The following OGDH variants were observed in gnomAD, a reference collection of about 807,000 sequenced individuals.
OGDH encodes the protein oxoglutarate dehydrogenase.
A neutral mutation model predicts 116.6 loss-of-function variants in OGDH; 38 were observed. The observed-to-expected ratio is 0.33, with a 90% CI of 0.25 to 0.43. The LOEUF is 0.43. Among genes scored for constraint, OGDH ranks in the 20% least tolerant of loss-of-function variants. The pLI is 1.00. For synonymous variants in OGDH, 488 were observed against 533.3 expected, an observed-to-expected ratio of 0.92 and a Z score of 1.17; for missense variants, 825 against 1,357.2, an observed-to-expected ratio of 0.61 and a Z score of 6.16.
At chr7:44,651,788 T>A (rs1786458443) in intron 4 of OGDH, among the ~76,000 whole-genome samples, 3 of 152,040 alleles carry the variant, frequency 2.0e-5, no homozygotes, top group Admixed American at 2.0e-4. Context: ...CTCGTACGCC[T>A]GACCTCAGGT....
At chr7:44,659,221 A>G (rs553075053) in intron 4 of OGDH, among the ~76,000 whole-genome samples, 4 of 151,958 alleles carry the variant, frequency 2.6e-5, no homozygotes, top group African/African-American at 9.6e-5. Context: ...GTATTGATTG[A>G]GTTTTGATTA....
chr7:44,699,425 CA>C (rs59695480), intron 18 of OGDH, among the ~76,000 whole-genome samples: 1,966 of 67,756 alleles, frequency 0.029, 17 homozygotes, highest in African/African-American at 0.071. Context: ...ACTCCTGTCT[CA>C]AAAAAAAAAA....
Position 44,708,078 on chromosome 7 carries a change from C to G in OGDH, c.*79C>G, listed in dbSNP as rs1164160178. 5.2e-6 allele frequency: 8 copies of G among 1,542,640 alleles called. No homozygotes were observed. Among genetic ancestry groups the G allele is most frequent in the Non-Finnish European group, 7.0e-6 (8 of 1,144,580 alleles). ...TTGCTTCTCAACTAAAGAATAGTGC[C>G]TCAGCGCTGCCCACACCACCGCCCT... On this transcript the variant is annotated 3_prime_UTR_variant, in exon 23 of 23. Transcript: ENST00000222673.
chr7:44,702,812 G>A (rs1788896341), intron 20 of OGDH, among the ~76,000 whole-genome samples: 1 of 152,072 alleles, frequency 6.6e-6, no homozygotes, highest in Admixed American at 6.6e-5. Context: ...TAGCCAGGAT[G>A]GTGTCAATCT....
rs541663566 is a variant in OGDH, at chr7:44,644,697, G to A, written c.223-630G>A. On this transcript the variant is annotated intron_variant, in intron 2 of 22. Transcript: ENST00000222673. ...TCTTAGCTCCTGAGTTTCTCCTGAG[G>A]TAGCAATGATATTATTTCTCTGTGG... is the stretch of plus-strand genomic sequence containing the variant. Among the ~76,000 whole-genome samples, 5 of 152,298 alleles carry A rather than the reference G, an allele frequency of 3.3e-5. No individual in the cohort carries two copies. The East Asian group carries it at 9.6e-4, about 29-fold the overall frequency.
In OGDH at chr7:44,681,740, TG is replaced by T. The variant is rs1407152783; in HGVS notation, c.1231del (p.Asp411MetfsTer58). The T allele has an allele frequency of 6.2e-7, 1 of 1,614,162 alleles. No individual in the cohort carries two copies. Among genetic ancestry groups the T allele is most frequent in the Admixed American group, 1.7e-5 (1 of 60,022 alleles). On this transcript the variant is annotated frameshift_variant, in exon 10 of 23. Coordinates refer to ENST00000222673, the MANE Select transcript of OGDH (RefSeq NM_002541.4). LOFTEE classifies it high-confidence loss of function. ...GKKVMSILLH[G>X]DAAFAGQGIV... Reference sequence around the variant, plus strand: ...TACAGGTCATGTCCATCCTGTTGCATGGGGATGCTGCATTTGCTGGCCAGGG... The same window carrying T: ...TACAGGTCATGTCCATCCTGTTGCATGGGATGCTGCATTTGCTGGCCAGGG...
At position 44,707,416 on chromosome 7, in the gene OGDH, TC is replaced by T. The variant is rs1333569722; in HGVS notation, c.2796+34del. The T allele has an allele frequency of 6.2e-7, 1 of 1,612,962 alleles. No homozygotes were observed. On this transcript the variant is annotated intron_variant, in intron 21 of 22. Transcript: ENST00000222673. This position sits in a 1 kb window ranked among gnomAD's most constrained non-coding sequence, Gnocchi z 5.2. ...GAGGGCAGGTGGTGCCATCAGGGTGTCCCCCCAGCGGGGGTCAGGGCTCTGG... is the reference window on the plus strand; with the variant it reads ...GAGGGCAGGTGGTGCCATCAGGGTGTCCCCCAGCGGGGGTCAGGGCTCTGG...
intron 19 of OGDH, among the ~76,000 whole-genome samples, chr7:44,701,199 G>A (rs1788815029): frequency 6.6e-6 from 1 of 152,222 alleles, no homozygotes; most frequent in African/African-American, 2.4e-5. Flanking sequence ...CCATGTCACA[G>A]CCTTACATGG....
intron 2 of OGDH, among the ~76,000 whole-genome samples, chr7:44,630,546 T>C (rs1317732335): frequency 1.3e-5 from 2 of 152,230 alleles, no homozygotes; most frequent in African/African-American, 2.4e-5. Context: ...GAATGACTTA[T>C]CAGAAATATA....
chr7:44,615,318 T>C (rs984338108), intron 1 of OGDH, among the ~76,000 whole-genome samples: 4 of 152,202 alleles, frequency 2.6e-5, no homozygotes, highest in South Asian at 2.1e-4. Context: ...TTCCTTGTTA[T>C]TGCTGTATGA....
chr7:44,664,333 C>T (rs1395821106), intron 4 of OGDH, among the ~76,000 whole-genome samples: 1 of 152,170 alleles, frequency 6.6e-6, no homozygotes, highest in Non-Finnish European at 1.5e-5. Context: ...CCCTCTTGGG[C>T]CTTCGCTGAA....
chr7:44,705,794 G>GT (rs1448892591), intron 20 of OGDH, among the ~76,000 whole-genome samples: 1 of 152,138 alleles, frequency 6.6e-6, no homozygotes, highest in Non-Finnish European at 1.5e-5. Context: ...ACTGGTTTTG[G>GT]TTACGTGCAT....
At chr7:44,669,804 A>T (rs1787354923) in intron 5 of OGDH, among the ~76,000 whole-genome samples, 1 of 152,168 alleles carries the variant, frequency 6.6e-6, no homozygotes, top group African/African-American at 2.4e-5. Flanking sequence ...GCCCCAACTT[A>T]GAAGACTCCA....
At chr7:44,619,485 A>T (rs1784927451) in intron 1 of OGDH, among the ~76,000 whole-genome samples, 1 of 152,148 alleles carries the variant, frequency 6.6e-6, no homozygotes, top group Non-Finnish European at 1.5e-5. Flanking sequence ...AGAGGAATAG[A>T]CTCATAATAT....
intron 18 of OGDH, among the ~76,000 whole-genome samples, chr7:44,698,499 C>T (rs1021703011): frequency 1.3e-5 from 2 of 152,138 alleles, no homozygotes; most frequent in Admixed American, 6.6e-5. Context: ...TGGCTTCCTG[C>T]TGTTGCTGCA....
chr7:44,637,371 T>TGTG (rs936080016), intron 2 of OGDH, among the ~76,000 whole-genome samples: 2 of 152,238 alleles, frequency 1.3e-5, no homozygotes, highest in Non-Finnish European at 2.9e-5. Flanking sequence ...TTCTGTGAAT[T>TGTG]TACACGTTTA....
At chr7:44,663,662 T>C (rs1291890000) in intron 4 of OGDH, among the ~76,000 whole-genome samples, 5 of 152,136 alleles carry the variant, frequency 3.3e-5, no homozygotes, top group Admixed American at 3.3e-4. Context: ...CCAGCTGCTC[T>C]ACTCAGGAGG....
chr7:44,618,877 T>C (rs182960907), intron 1 of OGDH, among the ~76,000 whole-genome samples: 3 of 152,354 alleles, frequency 2.0e-5, no homozygotes, highest in African/African-American at 7.2e-5. Context: ...GAAGGAATCC[T>C]GCACAGAGAG....
chr7:44,637,827 A>C (rs1048010502), intron 2 of OGDH, among the ~76,000 whole-genome samples: 1 of 152,134 alleles, frequency 6.6e-6, no homozygotes, highest in African/African-American at 2.4e-5. Flanking sequence ...TCAAAAAAAA[A>C]AAAAAATGGT....
Sources: gnomAD v4.1 joint callset for allele counts (sites outside exome capture counted in the v4.1 genomes callset) on GRCh38, gnomAD v4.1.1 for gene constraint, Gnocchi (gnomAD v3.1) non-coding constraint, MANE v1.5 for transcripts, NCBI Gene and HGNC (gene_info 2026-07-23, HGNC 2026-07-21) for gene names.